Variants in SH3RF2 observed in about 807,000 individuals in gnomAD.
The protein encoded by SH3RF2 is SH3 domain containing ring finger 2, also known as E3 ubiquitin-protein ligase SH3RF2.
In SH3RF2, 43 loss-of-function variants were observed where a neutral mutation model predicts 59.0. That is an observed-to-expected ratio of 0.73 (90% CI 0.57 to 0.94). The LOEUF is 0.94. SH3RF2 is among the 40% of genes least tolerant of loss of function. The pLI is 0.00. For synonymous variants in SH3RF2, 391 were observed against 391.5 expected (o/e 1.00, Z 0.01); for missense variants, 930 against 940.1 (o/e 0.99, Z 0.14).
chr5:145,945,218 T>C (rs1321665674), intron 2 of SH3RF2, among the ~76,000 whole-genome samples: 1 of 152,038 alleles, frequency 6.6e-6, no homozygotes, highest in Non-Finnish European at 1.5e-5. Flanking sequence ...AATGTTAAGA[T>C]GTGAAAAAAG....
intron 9 of SH3RF2, among the ~76,000 whole-genome samples, chr5:146,061,250 A>G (rs554375595): frequency 2.2e-4 from 33 of 152,164 alleles, no homozygotes; most frequent in Non-Finnish European, 4.0e-4. Context: ...GTTAAAGAAC[A>G]TTACCCAAGA....
chr5:146,053,693 T>C (rs771199588), intron 7 of SH3RF2, among the ~76,000 whole-genome samples: 2 of 152,182 alleles, frequency 1.3e-5, no homozygotes, highest in Non-Finnish European at 2.9e-5. Flanking sequence ...CTCTTCTTCC[T>C]GTCCTCCTAA....
intron 9 of SH3RF2, among the ~76,000 whole-genome samples, chr5:146,073,556 C>T (rs1302054674): frequency 6.6e-6 from 1 of 152,200 alleles, no homozygotes; most frequent in African/African-American, 2.4e-5. Context: ...TCCATTATGA[C>T]CTATGGGCTC....
intron 6 of SH3RF2, among the ~76,000 whole-genome samples, chr5:146,048,826 T>A (rs1392387341): frequency 6.6e-6 from 1 of 152,160 alleles, no homozygotes; most frequent in African/African-American, 2.4e-5. Context: ...CAGCTAATTT[T>A]TTGTATTTTT....
intron 5 of SH3RF2, among the ~76,000 whole-genome samples, chr5:146,034,962 C>T (rs185643657): frequency 6.6e-6 from 1 of 152,188 alleles, no homozygotes; most frequent in East Asian, 1.9e-4. Context: ...AAAAGTTAGC[C>T]AGGCGTGGTA....
chr5:146,016,633 T>C (rs1036295417), intron 5 of SH3RF2, among the ~76,000 whole-genome samples: 1 of 152,204 alleles, frequency 6.6e-6, no homozygotes, highest in African/African-American at 2.4e-5. Context: ...AGAGTCTGGA[T>C]TGAATTTAGA....
intron 4 of SH3RF2, among the ~76,000 whole-genome samples, chr5:146,008,720 C>A (rs73792798): frequency 0.017 from 2,577 of 152,294 alleles, 69 homozygotes; most frequent in African/African-American, 0.056. Flanking sequence ...AACCACACCA[C>A]AATCAAGACA....
At chr5:146,046,981 T>C (rs1040066821) in intron 5 of SH3RF2, among the ~76,000 whole-genome samples, 6 of 152,148 alleles carry the variant, frequency 3.9e-5, no homozygotes, top group African/African-American at 1.4e-4. Flanking sequence ...TGGTCTAGAA[T>C]TCCTGGTTCA....
intron 2 of SH3RF2, among the ~76,000 whole-genome samples, chr5:145,946,833 C>A (rs12658489): frequency 0.096 from 14,578 of 152,134 alleles, 1,038 homozygotes; most frequent in East Asian, 0.26. Flanking sequence ...AAAGAATTTG[C>A]CACTGAGTTT....
intron 2 of SH3RF2, among the ~76,000 whole-genome samples, chr5:145,984,555 A>G (rs879700001): frequency 2.0e-5 from 3 of 152,216 alleles, no homozygotes; most frequent in Non-Finnish European, 4.4e-5. Flanking sequence ...AATGATTGCA[A>G]ATAACTTCTA....
In SH3RF2 at chr5:146,062,980, C is replaced by T. The variant is rs1762956425; in HGVS notation, c.*279C>T. The T allele has an allele frequency of 4.3e-6, 2 of 464,538 alleles. No individual in the cohort carries two copies. The highest frequency in any genetic ancestry group is 5.3e-5 in the South Asian group (2 of 37,968). The allele number at this position is 464,538 out of a possible 1,614,324, so 28.8% of individuals were successfully genotyped here. On this transcript the variant is annotated 3_prime_UTR_variant, in exon 10 of 10. Coordinates refer to ENST00000359120, the MANE Select transcript of SH3RF2 (RefSeq NM_152550.4). ...AAATTGTCGTGCCCACTTTATGCCC[C>T]AGCATGGAGTATGTGGCCTCTTGTC...
intron 2 of SH3RF2, among the ~76,000 whole-genome samples, chr5:145,977,930 G>A (rs1231802797): frequency 6.6e-6 from 1 of 152,208 alleles, no homozygotes; most frequent in Non-Finnish European, 1.5e-5. Flanking sequence ...ATGTGTCAAA[G>A]AAGTTAAATG....
At chr5:145,949,552 C>A (rs1415367245) in intron 2 of SH3RF2, among the ~76,000 whole-genome samples, 1 of 152,214 alleles carries the variant, frequency 6.6e-6, no homozygotes. Context: ...CCCTTCCCAG[C>A]TCTCTGGAGA....
intron 8 of SH3RF2, among the ~76,000 whole-genome samples, chr5:146,057,038 G>GACAACAAGC (rs929753777): frequency 5.3e-5 from 8 of 152,254 alleles, no homozygotes; most frequent in African/African-American, 1.9e-4. Context: ...TGTAGAAGAA[G>GACAACAAGC]ACAACAAGCC....
At chr5:145,985,402 C>T (rs1244100901) in intron 2 of SH3RF2, among the ~76,000 whole-genome samples, 2 of 152,334 alleles carry the variant, frequency 1.3e-5, no homozygotes, top group Middle Eastern at 6.8e-3. Context: ...AGCCCAGCTC[C>T]TTCAGATCTT....
intron 2 of SH3RF2, among the ~76,000 whole-genome samples, chr5:145,985,009 A>G (rs1380553322): frequency 6.6e-6 from 1 of 152,188 alleles, no homozygotes. Flanking sequence ...TTAAAAAATT[A>G]GCTGAGCATG....
At chr5:146,073,792 A>C (rs1029651459) in intron 9 of SH3RF2, among the ~76,000 whole-genome samples, 1 of 152,190 alleles carries the variant, frequency 6.6e-6, no homozygotes, top group African/African-American at 2.4e-5. Flanking sequence ...AATGGCAAAG[A>C]AGCAGGAGAA....
rs111616555 is a variant in SH3RF2, at chr5:146,009,646, C to G, written c.745-4101C>G. ...AGCACTTATAACTATATGATGTTTT[C>G]TTGTCTAGTTGTTTACATGCTGGCT... On this transcript the variant is annotated intron_variant, in intron 4 of 9. Transcript: ENST00000359120. 9.9e-5 allele frequency among the ~76,000 whole-genome samples: 15 copies of G among 152,262 alleles called. 3 individuals carry two copies. The highest frequency in any genetic ancestry group is 3.6e-4 in the African/African-American group (15 of 41,564).
At chr5:146,020,067 C>T (rs1194489534) in intron 5 of SH3RF2, among the ~76,000 whole-genome samples, 1 of 152,108 alleles carries the variant, frequency 6.6e-6, no homozygotes, top group Non-Finnish European at 1.5e-5. Context: ...TTGACTTCTT[C>T]TTTTCTAATT....
Sources: gnomAD v4.1 joint callset for allele counts (sites outside exome capture counted in the v4.1 genomes callset) on GRCh38, gnomAD v4.1.1 for gene constraint, MANE v1.5 for transcripts, NCBI Gene and HGNC (gene_info 2026-07-23, HGNC 2026-07-21) for gene names.